ATRNL1: variants seen among roughly 807,000 people sequenced by gnomAD.
The protein encoded by ATRNL1 is attractin-like protein 1.
ATRNL1 carries 95 observed loss-of-function variants against 182.7 expected under a neutral mutation model. That is an observed-to-expected ratio of 0.52 (90% CI 0.44 to 0.62). The LOEUF (loss-of-function observed/expected upper bound fraction) is 0.62, where lower values mean the gene tolerates loss of function less well. Among genes scored for constraint, ATRNL1 ranks in the 20% least tolerant of loss-of-function variants. The probability of loss-of-function intolerance (pLI) is 0.00; values close to 1 mark genes in which losing one functional copy is unlikely to be tolerated. For missense variants in ATRNL1, 1,471 were observed against 1,679.5 expected (o/e 0.88, Z 2.17); for synonymous variants, 576 against 568.3 (o/e 1.01, Z -0.19).
chr10:115,480,983 G>C (rs1280820194), intron 24 of ATRNL1, among the ~76,000 whole-genome samples: 1 of 150,610 alleles, frequency 6.6e-6, no homozygotes, highest in African/African-American at 2.4e-5. Flanking sequence ...AAATAAATTT[G>C]AGTAAAGAAG....
intron 28 of ATRNL1, among the ~76,000 whole-genome samples, chr10:115,936,859 G>C (rs983697076): frequency 1.4e-4 from 21 of 152,064 alleles, no homozygotes; most frequent in Non-Finnish European, 1.5e-5. Flanking sequence ...TCTCCAGTTG[G>C]CTTAGAAAGA....
intron 8 of ATRNL1, among the ~76,000 whole-genome samples, chr10:115,194,101 T>C (rs1207478978): frequency 6.6e-6 from 1 of 152,054 alleles, no homozygotes; most frequent in African/African-American, 2.4e-5. Context: ...TTTTGAGACA[T>C]GTTTTGTGTC....
intron 1 of ATRNL1, among the ~76,000 whole-genome samples, chr10:115,112,572 A>G (rs7070487): frequency 0.025 from 3,798 of 152,264 alleles, 160 homozygotes; most frequent in African/African-American, 0.086. Flanking sequence ...AAATTGAAGC[A>G]AGAGCAAACA....
At chr10:115,895,959 A>G (rs1451185782) in intron 28 of ATRNL1, among the ~76,000 whole-genome samples, 1 of 152,162 alleles carries the variant, frequency 6.6e-6, no homozygotes, top group Non-Finnish European at 1.5e-5. Flanking sequence ...TACTAATTCG[A>G]TCTACCAGGT....
At chr10:115,882,542 A>G (rs536835550) in intron 28 of ATRNL1, among the ~76,000 whole-genome samples, 2 of 152,136 alleles carry the variant, frequency 1.3e-5, no homozygotes, top group Non-Finnish European at 2.9e-5. Flanking sequence ...ACTTGCTGTC[A>G]TCTGGAAAAA....
intron 3 of ATRNL1, among the ~76,000 whole-genome samples, chr10:115,122,286 T>G (rs2143638965): frequency 6.6e-6 from 1 of 151,782 alleles, no homozygotes; most frequent in South Asian, 2.1e-4. Context: ...AATGTGAGAG[T>G]TTTATTTGTT....
At chr10:115,405,461 C>T (rs1323200693) in intron 20 of ATRNL1, among the ~76,000 whole-genome samples, 2 of 152,148 alleles carry the variant, frequency 1.3e-5, no homozygotes, top group Non-Finnish European at 2.9e-5. Context: ...GAACATATTT[C>T]AGTGTAATCT....
chr10:115,156,891 G>T lies in ATRNL1; in HGVS notation c.830-3149G>T, dbSNP rs116519567. ...ACATATAGTATGTTCTTATTCATAA[G>T]TGGGGGCTAAAAAAGTTGATGTCAT... On this transcript the variant is annotated intron_variant, in intron 5 of 28. Transcript: ENST00000355044. Among the ~76,000 whole-genome samples, 484 of 152,172 alleles carry T rather than the reference G, an allele frequency of 3.2e-3. 1 individual carries two copies. Among genetic ancestry groups the T allele is most frequent in the African/African-American group, 9.8e-3 (407 of 41,536 alleles).
intron 27 of ATRNL1, among the ~76,000 whole-genome samples, chr10:115,798,817 T>C (rs373014021): frequency 2.4e-5 from 3 of 126,102 alleles, no homozygotes; most frequent in East Asian, 2.6e-4. Flanking sequence ...TTTTTTTCTT[T>C]TTTTTCTTTT....
At chr10:115,915,091 A>T (rs1952803967) in intron 28 of ATRNL1, among the ~76,000 whole-genome samples, 1 of 152,186 alleles carries the variant, frequency 6.6e-6, no homozygotes, top group South Asian at 2.1e-4. Flanking sequence ...AAATGTCTTG[A>T]TGATCAAAAA....
chr10:115,771,250 A>G (rs1420767685), intron 27 of ATRNL1, among the ~76,000 whole-genome samples: 1 of 116,026 alleles, frequency 8.6e-6, no homozygotes, highest in African/African-American at 3.6e-5. Context: ...TTTTTTTTTG[A>G]GACAGAGTCT....
At chr10:115,921,561 T>C (rs1953063526) in intron 28 of ATRNL1, among the ~76,000 whole-genome samples, 1 of 152,210 alleles carries the variant, frequency 6.6e-6, no homozygotes. Flanking sequence ...ATATTTCTGG[T>C]TTTCACTGTA....
intron 26 of ATRNL1, among the ~76,000 whole-genome samples, chr10:115,611,406 A>T (rs1857152482): frequency 6.6e-6 from 1 of 152,066 alleles, no homozygotes; most frequent in Non-Finnish European, 1.5e-5. Flanking sequence ...TTAAAGTTAA[A>T]CAGAGGTAGA....
At chr10:115,533,655 G>C (rs1485508127) in intron 25 of ATRNL1, among the ~76,000 whole-genome samples, 1 of 151,880 alleles carries the variant, frequency 6.6e-6, no homozygotes, top group Non-Finnish European at 1.5e-5. Flanking sequence ...GGTTTTGAAT[G>C]TGTTTGCTCT....
intron 27 of ATRNL1, among the ~76,000 whole-genome samples, chr10:115,801,781 T>G (rs1481231338): frequency 6.6e-6 from 1 of 152,144 alleles, no homozygotes; most frequent in Non-Finnish European, 1.5e-5. Flanking sequence ...AATGATTTTC[T>G]TGTCCCTTTC....
At chr10:115,626,617 T>G (rs1349918358) in intron 26 of ATRNL1, among the ~76,000 whole-genome samples, 1 of 152,164 alleles carries the variant, frequency 6.6e-6, no homozygotes, top group Non-Finnish European at 1.5e-5. Flanking sequence ...TTAATCTACT[T>G]TTCATCTTAT....
chr10:115,767,568 CCTAAA>C (rs1290331372), intron 27 of ATRNL1, among the ~76,000 whole-genome samples: 2 of 152,116 alleles, frequency 1.3e-5, no homozygotes, highest in African/African-American at 2.4e-5. Context: ...CCCATATTCT[CCTAAA>C]CTACTTTTTC....
intron 26 of ATRNL1, among the ~76,000 whole-genome samples, chr10:115,694,251 G>A (rs782464649): frequency 6.6e-6 from 1 of 151,016 alleles, no homozygotes; most frequent in Non-Finnish European, 1.5e-5. Flanking sequence ...CTCATGATTG[G>A]TTGTGTTTAC....
At position 115,339,994 on chromosome 10, in the gene ATRNL1, G is replaced by A. The variant is rs376333553; in HGVS notation, c.3175+5575G>A. ...TTATCCTTCATTCTAGTGATATGATGTGTCACATGGACTGATTTGCATATG... is the reference window on the plus strand; with the variant it reads ...TTATCCTTCATTCTAGTGATATGATATGTCACATGGACTGATTTGCATATG... On this transcript the variant is annotated intron_variant, in intron 19 of 28. Transcript: ENST00000355044. Among the ~76,000 whole-genome samples the A allele has an allele frequency of 8.1e-4, 123 of 152,274 alleles. 2 individuals are homozygous for A. The South Asian group carries it at 0.025, about 31-fold the overall frequency.
Sources: allele counts gnomAD v4.1 joint callset (sites outside exome capture counted in the v4.1 genomes callset), GRCh38; gene constraint gnomAD v4.1.1; transcripts MANE v1.5; gene names NCBI Gene and HGNC (gene_info 2026-07-23, HGNC 2026-07-21).